DMC1: variants seen among roughly 807,000 people sequenced by gnomAD.
DMC1 encodes meiotic recombination protein DMC1 homolog.
Under a neutral mutation model 50.1 loss-of-function variants are expected in DMC1, and 27 were observed. The observed-to-expected ratio is 0.54, with a 90% CI of 0.40 to 0.74. DMC1 has a LOEUF of 0.74. Ranked by LOEUF, DMC1 falls within the 30% of genes least tolerant of loss-of-function variation. The pLI, the probability that DMC1 is intolerant of heterozygous loss-of-function variation, is 0.00. For synonymous variants in DMC1, 148 were observed against 136.1 expected, an observed-to-expected ratio of 1.09 and a Z score of -0.61; for missense variants, 295 against 420.2, an observed-to-expected ratio of 0.70 and a Z score of 2.60.
intron 5 of DMC1, among the ~76,000 whole-genome samples, chr22:38,557,333 G>A (rs1236375482): frequency 6.6e-6 from 1 of 151,706 alleles, no homozygotes; most frequent in South Asian, 2.1e-4. Context: ...TTAGAATTAA[G>A]TGTAGAAATA....
chr22:38,556,178 T>C (rs530676879), intron 5 of DMC1, among the ~76,000 whole-genome samples: 1 of 152,284 alleles, frequency 6.6e-6, no homozygotes, highest in Non-Finnish European at 1.5e-5. Flanking sequence ...GGAACTATGT[T>C]TCTATAGTCA....
At chr22:38,520,216 A>G (rs1261390026) in intron 13 of DMC1, 127 bp from the exon 14 acceptor site, 1 of 783,120 alleles carries the variant, frequency 1.3e-6, no homozygotes, top group Non-Finnish European at 2.2e-6. Context: ...GGTACAACCA[A>G]ATGTGGCCTA....
chr22:38,526,452 C>G (rs921500134), intron 12 of DMC1, among the ~76,000 whole-genome samples: 43 of 149,996 alleles, frequency 2.9e-4, no homozygotes, highest in Admixed American at 6.6e-5. Context: ...TCATGATCTG[C>G]CCACCTCAGC....
downstream of DMC1, among the ~76,000 whole-genome samples, chr22:38,514,610 G>A (rs1306477125): frequency 6.6e-6 from 1 of 152,092 alleles, no homozygotes; most frequent in Non-Finnish European, 1.5e-5. Context: ...AACAGGATAG[G>A]TAAATAAGCT....
chr22:38,520,143 C>T (rs1465963286), intron 13 of DMC1, 54 bp from the exon 14 acceptor site: 1 of 1,412,758 alleles, frequency 7.1e-7, no homozygotes, highest in Non-Finnish European at 1.0e-6. Flanking sequence ...TCTATAAATA[C>T]TATATTCATG....
At chr22:38,529,854 G>A (rs1414002216) in intron 12 of DMC1, among the ~76,000 whole-genome samples, 1 of 148,612 alleles carries the variant, frequency 6.7e-6, no homozygotes, top group African/African-American at 2.5e-5. Context: ...GCAAGGGCAA[G>A]CTTGAGGGAC....
intron 6 of DMC1, among the ~76,000 whole-genome samples, chr22:38,553,822 G>C (rs2145952806): frequency 6.6e-6 from 1 of 151,962 alleles, no homozygotes; most frequent in East Asian, 1.9e-4. Flanking sequence ...AGCTGGGTGT[G>C]GTGGCGTGCA....
intron 8 of DMC1, chr22:38,545,897 AAAC>A (rs2145906365): frequency 6.6e-6 from 1 of 152,356 alleles, no homozygotes; most frequent in South Asian, 2.1e-4. Context: ...GGTAAATTTA[AAAC>A]ATAATTAAGG....
chr22:38,544,447 T>C (rs1038789602), intron 8 of DMC1, among the ~76,000 whole-genome samples: 2 of 152,176 alleles, frequency 1.3e-5, no homozygotes, highest in Non-Finnish European at 1.5e-5. Context: ...CTTCCTGTCT[T>C]TGCTTCAGGT....
At chr22:38,526,939 A>G (rs2090098522) in intron 12 of DMC1, among the ~76,000 whole-genome samples, 1 of 152,160 alleles carries the variant, frequency 6.6e-6, no homozygotes, top group Non-Finnish European at 1.5e-5. Context: ...GCCCCCAGGA[A>G]ACAGATTGGT....
chr22:38,520,977 C>T (rs1016085756), intron 13 of DMC1, among the ~76,000 whole-genome samples: 3 of 151,086 alleles, frequency 2.0e-5, no homozygotes, highest in African/African-American at 7.3e-5. Flanking sequence ...CTCAGGTGAT[C>T]CGCCCACCTC....
intron 12 of DMC1, among the ~76,000 whole-genome samples, chr22:38,537,260 C>G (rs2090224209): frequency 6.6e-6 from 1 of 152,068 alleles, no homozygotes; most frequent in Non-Finnish European, 1.5e-5. Context: ...GTTTCCCAGA[C>G]AGGAGTACAA....
chr22:38,537,550 T>A, intron 12 of DMC1, 42 bp downstream of exon 12: 1 of 1,566,814 alleles, frequency 6.4e-7, no homozygotes, highest in Non-Finnish European at 8.8e-7. Context: ...ACCCTCTTTA[T>A]ATTAACCTCT....
intron 13 of DMC1, among the ~76,000 whole-genome samples, chr22:38,521,056 TAA>T (rs912254298): frequency 2.6e-5 from 4 of 152,040 alleles, no homozygotes; most frequent in African/African-American, 9.7e-5. Flanking sequence ...AATTCTTAAT[TAA>T]ACACGTAAAG....
intron 12 of DMC1, among the ~76,000 whole-genome samples, chr22:38,529,693 C>T (rs924347423): frequency 1.3e-5 from 2 of 152,084 alleles, no homozygotes; most frequent in Admixed American, 1.3e-4. Flanking sequence ...GTCAAAGATA[C>T]CTGGGTTCAA....
At chr22:38,523,233 C>G (rs560726932) in intron 12 of DMC1, among the ~76,000 whole-genome samples, 193 of 152,308 alleles carry the variant, frequency 1.3e-3, no homozygotes, top group Non-Finnish European at 2.3e-3. Context: ...AGCTGGGTTG[C>G]TTTGCCAGGC....
At chr22:38,518,663 T>C (rs1419054629), downstream of DMC1, among the ~76,000 whole-genome samples, 3 of 152,074 alleles carry the variant, frequency 2.0e-5, no homozygotes, top group Non-Finnish European at 2.9e-5. Flanking sequence ...CCTGAGTAGC[T>C]GGGACCTCAG....
At chr22:38,535,628 G>C (rs1190718388) in intron 12 of DMC1, among the ~76,000 whole-genome samples, 1 of 149,924 alleles carries the variant, frequency 6.7e-6, no homozygotes, top group Non-Finnish European at 1.5e-5. Flanking sequence ...TTGTTTTTGA[G>C]ACGGAGTCTT....
intron 7 of DMC1, among the ~76,000 whole-genome samples, chr22:38,551,137 A>G (rs1400705580): frequency 6.7e-6 from 1 of 150,124 alleles, no homozygotes; most frequent in Non-Finnish European, 1.5e-5. Context: ...AATCCCAGCT[A>G]CTCAGGAGAC....
Sources: allele counts gnomAD v4.1 joint callset (sites outside exome capture counted in the v4.1 genomes callset), GRCh38; gene constraint gnomAD v4.1.1; transcripts MANE v1.5; gene names NCBI Gene and HGNC (gene_info 2026-07-23, HGNC 2026-07-21).